Variants in DGKB observed in about 807,000 individuals in gnomAD.
The protein encoded by DGKB is 90 kDa diacylglycerol kinase.
Under a neutral mutation model 114.3 loss-of-function variants are expected in DGKB, and 67 were observed. The observed-to-expected ratio is 0.59, with a 90% CI of 0.48 to 0.72. The LOEUF (loss-of-function observed/expected upper bound fraction) is 0.72. Among genes scored for constraint, DGKB ranks in the 30% least tolerant of loss-of-function variants. The pLI is 0.00. For synonymous variants in DGKB, 398 were observed against 323.1 expected (o/e 1.23, Z -2.49); for missense variants, 907 against 975.2 (o/e 0.93, Z 0.93).
At chr7:14,246,565 T>C (rs1242993270) in intron 23 of DGKB, among the ~76,000 whole-genome samples, 1 of 152,280 alleles carries the variant, frequency 6.6e-6, no homozygotes, top group African/African-American at 2.4e-5. Flanking sequence ...AAGAATATAC[T>C]CTGTAAGTTT....
At chr7:14,454,513 C>G (rs897187340) in intron 21 of DGKB, among the ~76,000 whole-genome samples, 48 of 152,132 alleles carry the variant, frequency 3.2e-4, no homozygotes, top group African/African-American at 9.4e-4. Context: ...CTTCCACGTT[C>G]AGGAATTATA....
At chr7:14,850,220 G>C (rs1466730864) in intron 1 of DGKB, among the ~76,000 whole-genome samples, 1 of 152,176 alleles carries the variant, frequency 6.6e-6, no homozygotes, top group Non-Finnish European at 1.5e-5. Context: ...GATAGTAAAG[G>C]TGGCATGATG....
chr7:14,821,102 A>C (rs10247860), intron 2 of DGKB, among the ~76,000 whole-genome samples: 2,833 of 152,294 alleles, frequency 0.019, 90 homozygotes, highest in African/African-American at 0.063. Flanking sequence ...AGTCAATAAC[A>C]TACCTTTGAC....
At chr7:14,232,614 G>T (rs745940368) in intron 23 of DGKB, among the ~76,000 whole-genome samples, 11 of 151,748 alleles carry the variant, frequency 7.2e-5, no homozygotes, top group Non-Finnish European at 1.5e-4. Flanking sequence ...ACTACCTAGC[G>T]TATAGCATGC....
intron 20 of DGKB, among the ~76,000 whole-genome samples, chr7:14,534,509 A>G (rs1322800617): frequency 1.3e-5 from 2 of 152,146 alleles, no homozygotes; most frequent in African/African-American, 2.4e-5. Flanking sequence ...GACATAGAGT[A>G]GATGAATGGA....
At chr7:14,354,769 C>G (rs1222771761) in intron 21 of DGKB, among the ~76,000 whole-genome samples, 2 of 152,056 alleles carry the variant, frequency 1.3e-5, no homozygotes, top group Admixed American at 6.6e-5. Context: ...AATAGGATGT[C>G]TTAAATTATG....
chr7:14,270,233 C>T (rs763047335), intron 23 of DGKB, among the ~76,000 whole-genome samples: 2 of 152,086 alleles, frequency 1.3e-5, no homozygotes, highest in Non-Finnish European at 2.9e-5. Flanking sequence ...CTCCGTTTCT[C>T]GAGGCATCTC....
chr7:14,847,598 T>C (rs1026440767), intron 1 of DGKB, among the ~76,000 whole-genome samples: 23 of 152,318 alleles, frequency 1.5e-4, no homozygotes, highest in African/African-American at 5.5e-4. Context: ...TAAACAGATA[T>C]GATACGTGAG....
intron 21 of DGKB, among the ~76,000 whole-genome samples, chr7:14,401,963 T>TACACAC (rs68097407): frequency 3.0e-4 from 44 of 148,428 alleles, no homozygotes; most frequent in African/African-American, 9.5e-4. Context: ...CAATAATTTG[T>TACACAC]ACACACACAC....
At chr7:14,461,284 C>T (rs1361328685) in intron 21 of DGKB, among the ~76,000 whole-genome samples, 1 of 148,200 alleles carries the variant, frequency 6.7e-6, no homozygotes, top group Non-Finnish European at 1.5e-5. Flanking sequence ...GACACACATA[C>T]ACAAAAACCC....
intron 13 of DGKB, among the ~76,000 whole-genome samples, chr7:14,644,994 C>G (rs11971372): frequency 0.034 from 5,138 of 152,224 alleles, 282 homozygotes; most frequent in African/African-American, 0.12. Context: ...ACCAAGCTGC[C>G]AGTTCCAGAT....
chr7:14,299,284 G>GT (rs1803099700), intron 23 of DGKB, among the ~76,000 whole-genome samples: 1 of 152,052 alleles, frequency 6.6e-6, no homozygotes, highest in Non-Finnish European at 1.5e-5. Flanking sequence ...ATAATGTATA[G>GT]TTTTCAGAGG....
upstream of DGKB, among the ~76,000 whole-genome samples, chr7:14,904,179 T>C (rs78334091): frequency 0.022 from 3,321 of 152,080 alleles, 112 homozygotes; most frequent in African/African-American, 0.074. Flanking sequence ...TTCACTTTCT[T>C]GTTCTGTAGA....
intron 23 of DGKB, among the ~76,000 whole-genome samples, chr7:14,195,644 G>T (rs1217825070): frequency 1.3e-5 from 2 of 151,906 alleles, no homozygotes; most frequent in South Asian, 4.2e-4. Flanking sequence ...ATGTTTCTAT[G>T]GTCCCTTTAT....
chr7:14,261,127 T>A (rs772031840), intron 23 of DGKB, among the ~76,000 whole-genome samples: 8 of 152,124 alleles, frequency 5.3e-5, no homozygotes, highest in Non-Finnish European at 1.2e-4. Context: ...CTTAATGATA[T>A]TTTAACCGGT....
chr7:14,794,856 C>T (rs1160197416), intron 2 of DGKB, among the ~76,000 whole-genome samples: 2 of 152,132 alleles, frequency 1.3e-5, no homozygotes, highest in African/African-American at 2.4e-5. Context: ...ATCTCCCCAA[C>T]CTCCAGCAGA....
At chr7:14,657,483 T>A (rs1816091388) in intron 13 of DGKB, among the ~76,000 whole-genome samples, 1 of 151,894 alleles carries the variant, frequency 6.6e-6, no homozygotes, top group Non-Finnish European at 1.5e-5. Flanking sequence ...GAGCTGACAA[T>A]ATGCTTTATC....
chr7:14,591,631 C>T (rs1801722637), intron 17 of DGKB, among the ~76,000 whole-genome samples: 1 of 152,078 alleles, frequency 6.6e-6, no homozygotes, highest in South Asian at 2.1e-4. Flanking sequence ...AGATCCACTG[C>T]ACAACACTGT....
chr7:14,416,278 C>T (rs901230196), intron 21 of DGKB, among the ~76,000 whole-genome samples: 1 of 151,854 alleles, frequency 6.6e-6, no homozygotes. Context: ...AGAAAAATTT[C>T]TATGTTTTTT....
Sources: gnomAD v4.1 joint callset for allele counts (sites outside exome capture counted in the v4.1 genomes callset) on GRCh38, gnomAD v4.1.1 for gene constraint, MANE v1.5 for transcripts, NCBI Gene and HGNC (gene_info 2026-07-23, HGNC 2026-07-21) for gene names.